Variants in ZDHHC2 observed in about 807,000 individuals in gnomAD.
The protein encoded by ZDHHC2 is palmitoyltransferase ZDHHC2.
Under a neutral mutation model 55.6 loss-of-function variants are expected in ZDHHC2, and 51 were observed. The ratio of observed to expected loss-of-function variants is 0.92; its 90% confidence interval spans 0.73 to 1.16. The LOEUF (loss-of-function observed/expected upper bound fraction) is 1.16, where lower values mean the gene tolerates loss of function less well. Ranked by LOEUF, ZDHHC2 falls within the 50% of genes most tolerant of loss-of-function variation. The pLI is 0.00. For synonymous variants in ZDHHC2, 199 were observed against 152.9 expected, an observed-to-expected ratio of 1.30 and a Z score of -2.22; for missense variants, 491 against 442.4, an observed-to-expected ratio of 1.11 and a Z score of -0.99.
intron 10 of ZDHHC2, among the ~76,000 whole-genome samples, chr8:17,210,759 AAG>A (rs1454303303): frequency 6.6e-6 from 1 of 152,174 alleles, no homozygotes; most frequent in Non-Finnish European, 1.5e-5. Context: ...TAGTGCTTAA[AAG>A]AAAAAAAAAT....
At chr8:17,199,503 T>TTCGTCTTCG (rs1402172161) in intron 6 of ZDHHC2, among the ~76,000 whole-genome samples, 959 of 63,048 alleles carry the variant, frequency 0.015, 31 homozygotes, top group Admixed American at 0.081. Context: ...CTTCTTCTTC[T>TTCGTCTTCG]TCTTCTTCTT....
chr8:17,195,759 TA>T lies in ZDHHC2; in HGVS notation c.373+138del, dbSNP rs3216863. ...GCTGTGTTATTTCTTGGATTGCTGT[TA>T]AATCTTTCCTGTGTGATTCCATAAA... On this transcript the variant is annotated intron_variant, in intron 4 of 12. Transcript: ENST00000262096. 5.7e-4 allele frequency: 694 copies of T among 1,216,990 alleles called. 5 individuals are homozygous for T. The East Asian group carries it at 0.014, about 25-fold the overall frequency. The allele number at this position is 1,216,990 out of a possible 1,614,324, so 75.4% of individuals were successfully genotyped here. A position where few individuals can be genotyped will look rare whatever the true frequency, so the allele number is the denominator to read the frequency against.
At chr8:17,210,307 T>C in intron 9 of ZDHHC2, 81 bp from the exon 10 acceptor site, 1 of 1,394,918 alleles carries the variant, frequency 7.2e-7, no homozygotes, top group Non-Finnish European at 9.9e-7. Context: ...CATGTTCTGC[T>C]CTCGGACATC....
At chr8:17,185,841 G>A (rs974115175) in intron 2 of ZDHHC2, among the ~76,000 whole-genome samples, 1 of 152,262 alleles carries the variant, frequency 6.6e-6, no homozygotes, top group African/African-American at 2.4e-5. Context: ...TTGTCCAGAT[G>A]TTCTCCATTT....
At chr8:17,190,849 CA>C (rs1233766322) in intron 3 of ZDHHC2, among the ~76,000 whole-genome samples, 2 of 144,604 alleles carry the variant, frequency 1.4e-5, no homozygotes, top group Admixed American at 7.0e-5. Context: ...TTTTGTGTTA[CA>C]AAAAATCCTA....
chr8:17,182,748 C>A (rs1052672150), intron 1 of ZDHHC2, among the ~76,000 whole-genome samples: 2 of 152,054 alleles, frequency 1.3e-5, no homozygotes, highest in East Asian at 3.9e-4. Context: ...GCAACTCGTA[C>A]CAACTACACC....
intron 12 of ZDHHC2, among the ~76,000 whole-genome samples, chr8:17,219,543 G>C (rs1585750221): frequency 6.6e-6 from 1 of 152,042 alleles, no homozygotes; most frequent in Admixed American, 6.6e-5. Flanking sequence ...GATTGCTTGA[G>C]CTAAGGAGTT....
At chr8:17,214,364 G>T (rs1015783078) in intron 10 of ZDHHC2, among the ~76,000 whole-genome samples, 6 of 152,128 alleles carry the variant, frequency 3.9e-5, no homozygotes, top group African/African-American at 1.4e-4. Flanking sequence ...CAAAGTTGTT[G>T]TTTCAGTTTT....
chr8:17,187,121 G>T (rs1805751713), intron 3 of ZDHHC2, among the ~76,000 whole-genome samples: 1 of 152,226 alleles, frequency 6.6e-6, no homozygotes, highest in South Asian at 2.1e-4. Context: ...GGGGAGTGTA[G>T]CCTTTCTTCT....
intron 1 of ZDHHC2, among the ~76,000 whole-genome samples, chr8:17,166,169 G>A (rs780584905): frequency 2.0e-5 from 3 of 152,152 alleles, no homozygotes; most frequent in Non-Finnish European, 4.4e-5. Context: ...CTTTCTGGCC[G>A]CTGTGGACCT....
intron 7 of ZDHHC2, 89 bp from the exon 8 acceptor site, chr8:17,207,870 CA>C (rs553722681): frequency 0.029 from 24,150 of 845,816 alleles, 16 homozygotes; most frequent in East Asian, 0.037. Context: ...AAATTTTAAG[CA>C]AAAAAAAAAA....
At chr8:17,213,288 C>G (rs1807477597) in intron 10 of ZDHHC2, among the ~76,000 whole-genome samples, 1 of 150,900 alleles carries the variant, frequency 6.6e-6, no homozygotes, top group African/African-American at 2.4e-5. Context: ...CAGTCTCATT[C>G]TATCACCCCG....
chr8:17,172,320 C>T (rs561262518), intron 1 of ZDHHC2, among the ~76,000 whole-genome samples: 1 of 152,224 alleles, frequency 6.6e-6, no homozygotes, highest in South Asian at 2.1e-4. Context: ...ACTTTTAATT[C>T]GTCTCAAAGT....
intron 6 of ZDHHC2, among the ~76,000 whole-genome samples, chr8:17,204,469 G>T (rs961474461): frequency 1.3e-5 from 2 of 152,208 alleles, no homozygotes; most frequent in Non-Finnish European, 2.9e-5. Flanking sequence ...ACCCATGAAG[G>T]TATTAGCCAA....
intron 1 of ZDHHC2, among the ~76,000 whole-genome samples, chr8:17,172,865 G>A (rs1419436092): frequency 6.6e-6 from 1 of 152,162 alleles, no homozygotes; most frequent in Non-Finnish European, 1.5e-5. Context: ...GTTGCTCTAG[G>A]AACCCAGAGC....
At position 17,210,491 on chromosome 8, in the gene ZDHHC2, A is replaced by AT. The variant is rs746259603; in HGVS notation, c.950+19dup. The AT allele has an allele frequency of 5.3e-5, 83 of 1,566,030 alleles. No homozygotes were observed. The highest frequency in any genetic ancestry group is 1.4e-4 in the African/African-American group (10 of 72,778). On this transcript the variant is annotated intron_variant, in intron 10 of 12. Coordinates refer to ENST00000262096, the MANE Select transcript of ZDHHC2 (RefSeq NM_016353.5). ...TTCCACAGCTAAAAAGTAATCTCAT[A>AT]TTTTTTTTCATTTTACTTTCAAATA...
chr8:17,168,946 T>A lies in ZDHHC2; in HGVS notation c.130+12093T>A, dbSNP rs772816012. 3.4e-4 allele frequency among the ~76,000 whole-genome samples: 52 copies of A among 152,344 alleles called. 1 individual carries two copies. The highest frequency in any genetic ancestry group is 6.6e-4 in the Non-Finnish European group (45 of 68,038). On this transcript the variant is annotated intron_variant, in intron 1 of 12. Coordinates refer to ENST00000262096, the MANE Select transcript of ZDHHC2 (RefSeq NM_016353.5). ...TTTATCCATTAATGGGGGTTTGAGT[T>A]GTTTCTACCTTTTTGGCTATTCTGA...
chr8:17,182,340 T>C (rs1007599629), intron 1 of ZDHHC2, among the ~76,000 whole-genome samples: 1 of 152,134 alleles, frequency 6.6e-6, no homozygotes, highest in Non-Finnish European at 1.5e-5. Flanking sequence ...ATCCCAATCA[T>C]AGTGTTTTAA....
chr8:17,171,228 C>G (rs1444065170), intron 1 of ZDHHC2, among the ~76,000 whole-genome samples: 1 of 152,160 alleles, frequency 6.6e-6, no homozygotes, highest in Non-Finnish European at 1.5e-5. Flanking sequence ...ACCCATACAA[C>G]TCTATCTAAA....
Sources: gnomAD v4.1 joint callset for allele counts (sites outside exome capture counted in the v4.1 genomes callset) on GRCh38, gnomAD v4.1.1 for gene constraint, MANE v1.5 for transcripts, NCBI Gene and HGNC (gene_info 2026-07-23, HGNC 2026-07-21) for gene names.